Variants in CABP1 observed in about 807,000 individuals in gnomAD.
CABP1 encodes calcium binding protein 1.
In CABP1, 17 loss-of-function variants were observed where a neutral mutation model predicts 34.3. The ratio of observed to expected loss-of-function variants is 0.50; its 90% CI spans 0.34 to 0.74. The LOEUF (loss-of-function observed/expected upper bound fraction) is 0.74. CABP1 is among the 30% of genes least tolerant of loss of function. CABP1 has a pLI of 0.01. For synonymous variants in CABP1, 198 were observed against 229.2 expected (o/e 0.86, Z 1.23); for missense variants, 373 against 511.1 (o/e 0.73, Z 2.61).
chr12:120,677,282 T>G, the CABP1 span, among the ~76,000 whole-genome samples: 1 of 151,724 alleles, frequency 6.6e-6, no homozygotes, highest in African/African-American at 2.4e-5. Context: ...GAGACAAAGT[T>G]TCACCATGTT....
chr12:120,674,134 T>C, the CABP1 span, among the ~76,000 whole-genome samples: 408 of 152,262 alleles, frequency 2.7e-3, 3 homozygotes, highest in African/African-American at 9.0e-3. Context: ...CAGTGAACCA[T>C]GTTCGTGCCA....
At position 120,641,935 on chromosome 12, in the gene CABP1, T is replaced by TG. The variant is rs36082154; in HGVS notation, c.654+600dup. On this transcript the variant is annotated intron_variant, in intron 1 of 5. Transcript: ENST00000316803. This position sits in a 1 kb window ranked among gnomAD's most constrained non-coding sequence, Gnocchi z 6.7. ...AGAGCTGTGGCTCAAACTGGAACTTTGGGGTGGTTTAAGGAGGCTGTCACT... is the reference window on the plus strand; with the variant it reads ...AGAGCTGTGGCTCAAACTGGAACTTTGGGGGTGGTTTAAGGAGGCTGTCACT... Among the ~76,000 whole-genome samples, 24,919 of 151,900 alleles carry TG rather than the reference T, an allele frequency of 0.16. 2,202 individuals are homozygous for TG. Among genetic ancestry groups the TG allele is most frequent in the African/African-American group, 0.21 (8,897 of 41,400 alleles).
chr12:120,668,564 C>T (rs1417557546), downstream of CABP1, among the ~76,000 whole-genome samples: 3 of 152,180 alleles, frequency 2.0e-5, no homozygotes, highest in Admixed American at 2.0e-4. Context: ...GGGCCAGTCG[C>T]GTCCCCTTTC....
chr12:120,652,040 T>C (rs1879879918), intron 1 of CABP1, among the ~76,000 whole-genome samples: 2 of 152,218 alleles, frequency 1.3e-5, no homozygotes, highest in African/African-American at 4.8e-5. Flanking sequence ...ACAGGCCTCC[T>C]CTTTCTGGCC....
downstream of CABP1, among the ~76,000 whole-genome samples, chr12:120,670,240 C>T (rs1881206045): frequency 6.6e-6 from 1 of 152,212 alleles, no homozygotes; most frequent in Non-Finnish European, 1.5e-5. Context: ...AGGGATCCTT[C>T]CACCTCAGCT....
At chr12:120,670,794 C>A (rs562105462), downstream of CABP1, among the ~76,000 whole-genome samples, 1 of 152,214 alleles carries the variant, frequency 6.6e-6, no homozygotes, top group South Asian at 2.1e-4. Flanking sequence ...TTTTATTGCA[C>A]CTGGATTTGC....
the CABP1 span, among the ~76,000 whole-genome samples, chr12:120,676,852 C>T: frequency 1.3e-5 from 2 of 152,184 alleles, no homozygotes; most frequent in Non-Finnish European, 2.9e-5. Flanking sequence ...GCCAAGCTTA[C>T]ACTGACAGTG....
intron 5 of CABP1, among the ~76,000 whole-genome samples, chr12:120,666,247 A>G (rs938483138): frequency 1.3e-5 from 2 of 150,110 alleles, no homozygotes; most frequent in African/African-American, 4.9e-5. Context: ...GAGGGGGTAC[A>G]GGTTGCTTTC....
downstream of CABP1, among the ~76,000 whole-genome samples, chr12:120,669,590 C>T (rs12229181): frequency 0.02 from 3,091 of 152,162 alleles, 205 homozygotes; most frequent in East Asian, 0.25. Context: ...CCCGTCTGTA[C>T]TAAAAATACA....
chr12:120,677,605 C>T, the CABP1 span, among the ~76,000 whole-genome samples: 2 of 151,802 alleles, frequency 1.3e-5, no homozygotes, highest in African/African-American at 2.4e-5. Flanking sequence ...GGGTGTCTCA[C>T]GATGTTGCCC....
At chr12:120,672,050 C>T (rs936743579), downstream of CABP1, among the ~76,000 whole-genome samples, 6 of 151,992 alleles carry the variant, frequency 3.9e-5, no homozygotes, top group South Asian at 4.2e-4. Context: ...CCTGGACAAC[C>T]GAGCGAGACC....
chr12:120,675,490 T>C, the CABP1 span, among the ~76,000 whole-genome samples: 2 of 152,266 alleles, frequency 1.3e-5, no homozygotes, highest in Non-Finnish European at 2.9e-5. Flanking sequence ...GTGCTTTTCC[T>C]TGTACTCTTT....
intron 1 of CABP1, chr12:120,656,277 G>A (rs753302966): frequency 3.2e-6 from 5 of 1,539,794 alleles, no homozygotes; most frequent in South Asian, 1.2e-5. Flanking sequence ...CAGCCTGTAC[G>A]TAAGTTGGCC....
chr12:120,642,441 C>T (rs1332550026), intron 1 of CABP1, among the ~76,000 whole-genome samples: 1 of 152,184 alleles, frequency 6.6e-6, no homozygotes, highest in African/African-American at 2.4e-5. Context: ...AAATACTACT[C>T]GGCAGTGGCT....
At chr12:120,665,138 T>G (rs890965007) in intron 5 of CABP1, among the ~76,000 whole-genome samples, 6 of 151,888 alleles carry the variant, frequency 4.0e-5, no homozygotes, top group African/African-American at 1.5e-4. Flanking sequence ...CTATTCTGTA[T>G]GAGGCCAGGT....
chr12:120,653,251 A>G (rs937830683), intron 1 of CABP1, among the ~76,000 whole-genome samples: 2 of 152,160 alleles, frequency 1.3e-5, no homozygotes, highest in Non-Finnish European at 2.9e-5. Flanking sequence ...CATCATTGCC[A>G]TCACTATGGC....
In CABP1 at chr12:120,640,815, G is replaced by T; in HGVS notation, c.130G>T (p.Ala44Ser). Reference sequence around the variant, plus strand: ...CGGGGGCCCCGCGCCGCGCCGCACCGCGCCGCCCCCGCCGGGCCATGCGAG... The same window carrying T: ...CGGGGGCCCCGCGCCGCGCCGCACCTCGCCGCCCCCGCCGGGCCATGCGAG... ...PAGGPAPRRTAPPPPGHASAG... is the reference protein window; with the variant it reads ...PAGGPAPRRTSPPPPGHASAG... Residue 44 changes from alanine (A) to serine (S), a missense_variant, in exon 1 of 6, where the codon GCG (alanine) becomes TCG (serine). Transcript: ENST00000316803. The surrounding 1 kb of genome is among the most constrained non-coding windows in gnomAD (Gnocchi z 6.2). 9.2e-7 allele frequency: 1 copy of T among 1,088,446 alleles called. No homozygotes were observed. The highest frequency in any genetic ancestry group is 1.1e-6 in the Non-Finnish European group (1 of 898,206). 67.4% of individuals were successfully genotyped at this position (1,088,446 alleles called of 1,614,324 possible).
At chr12:120,657,416 G>T (rs1880298648) in intron 1 of CABP1, among the ~76,000 whole-genome samples, 1 of 152,170 alleles carries the variant, frequency 6.6e-6, no homozygotes, top group South Asian at 2.1e-4. Context: ...TTTTACAGAT[G>T]AGGAGACTGT....
chr12:120,671,850 T>A (rs1234477577), downstream of CABP1, among the ~76,000 whole-genome samples: 1 of 152,178 alleles, frequency 6.6e-6, no homozygotes, highest in African/African-American at 2.4e-5. Context: ...GAGGATCACT[T>A]GAAGCCAGGG....
Sources: gnomAD v4.1 joint callset for allele counts (sites outside exome capture counted in the v4.1 genomes callset) on GRCh38, gnomAD v4.1.1 for gene constraint, Gnocchi (gnomAD v3.1) non-coding constraint, MANE v1.5 for transcripts, NCBI Gene and HGNC (gene_info 2026-07-23, HGNC 2026-07-21) for gene names.